KIAA1217: variants seen among roughly 807,000 people sequenced by gnomAD.
The protein encoded by KIAA1217 is KIAA1217.
KIAA1217 carries 88 observed loss-of-function variants against 163.9 expected under a neutral mutation model. The observed-to-expected ratio is 0.54, with a 90% confidence interval of 0.45 to 0.64. KIAA1217 has a LOEUF of 0.64. Among genes scored for constraint, KIAA1217 ranks in the 30% least tolerant of loss-of-function variants. The pLI, the probability that KIAA1217 is intolerant of heterozygous loss-of-function variation, is 0.00. For synonymous variants in KIAA1217, 903 were observed against 923.1 expected, an observed-to-expected ratio of 0.98 and a Z score of 0.39; for missense variants, 2,372 against 2,475.0, an observed-to-expected ratio of 0.96 and a Z score of 0.88.
chr10:24,128,654 C>T (rs2063549343), intron 2 of KIAA1217, among the ~76,000 whole-genome samples: 1 of 152,160 alleles, frequency 6.6e-6, no homozygotes, highest in South Asian at 2.1e-4. Context: ...GGTTCTCTAA[C>T]AAAGCTTTTA....
intron 1 of KIAA1217, among the ~76,000 whole-genome samples, chr10:23,710,511 C>T (rs1437991434): frequency 3.3e-5 from 5 of 152,178 alleles, no homozygotes; most frequent in Non-Finnish European, 7.3e-5. Flanking sequence ...ATAGTGCATA[C>T]TTGTTCATCC....
At chr10:23,842,121 G>A (rs1205868134) in intron 1 of KIAA1217, among the ~76,000 whole-genome samples, 1 of 152,072 alleles carries the variant, frequency 6.6e-6, no homozygotes, top group African/African-American at 2.4e-5. Flanking sequence ...GCCTGCCTTG[G>A]CATCCCAAAG....
intron 2 of KIAA1217, among the ~76,000 whole-genome samples, chr10:24,042,995 G>A (rs1444429440): frequency 6.6e-6 from 1 of 152,174 alleles, no homozygotes; most frequent in Non-Finnish European, 1.5e-5. Flanking sequence ...ATTCCTGCTA[G>A]TGTTGTTACC....
chr10:23,875,373 G>A (rs1840638337), intron 1 of KIAA1217, among the ~76,000 whole-genome samples: 1 of 151,980 alleles, frequency 6.6e-6, no homozygotes. Flanking sequence ...TATAGGTGCA[G>A]AATATAACCC....
chr10:23,740,954 A>T (rs942352925), intron 1 of KIAA1217, among the ~76,000 whole-genome samples: 3 of 152,128 alleles, frequency 2.0e-5, no homozygotes, highest in African/African-American at 7.2e-5. Context: ...AAAAACAGGA[A>T]CAATAAAAAT....
chr10:24,299,544 G>A (rs1242763546), intron 2 of KIAA1217, among the ~76,000 whole-genome samples: 1 of 152,086 alleles, frequency 6.6e-6, no homozygotes, highest in Non-Finnish European at 1.5e-5. Context: ...GACCATAGGT[G>A]TGCACCACCA....
At chr10:23,807,800 C>A (rs909145078) in intron 1 of KIAA1217, among the ~76,000 whole-genome samples, 1 of 152,160 alleles carries the variant, frequency 6.6e-6, no homozygotes, top group African/African-American at 2.4e-5. Flanking sequence ...GGGCAGTGAG[C>A]AGGAACTGGC....
chr10:23,890,642 T>G (rs1056483676), intron 1 of KIAA1217, among the ~76,000 whole-genome samples: 3 of 152,000 alleles, frequency 2.0e-5, no homozygotes, highest in African/African-American at 7.2e-5. Context: ...TTGAAATTTT[T>G]TGAATGCATT....
intron 2 of KIAA1217, among the ~76,000 whole-genome samples, chr10:24,231,863 A>G (rs1477156443): frequency 1.3e-5 from 2 of 150,288 alleles, no homozygotes; most frequent in Non-Finnish European, 2.9e-5. Flanking sequence ...CAGTGGCATG[A>G]TCTCGGCTCA....
chr10:24,376,014 A>G (rs2052437738), intron 2 of KIAA1217, among the ~76,000 whole-genome samples: 1 of 152,230 alleles, frequency 6.6e-6, no homozygotes, highest in African/African-American at 2.4e-5. Flanking sequence ...TCCAAATCCA[A>G]TAGCATTGCA....
At chr10:24,147,006 TAAAAAA>T (rs755857019) in intron 2 of KIAA1217, among the ~76,000 whole-genome samples, 4 of 110,726 alleles carry the variant, frequency 3.6e-5, no homozygotes, top group Non-Finnish European at 7.6e-5. Flanking sequence ...TTTGTTTTGT[TAAAAAA>T]AAAAAAAAAA....
At chr10:23,904,010 A>G (rs1320038407) in intron 1 of KIAA1217, among the ~76,000 whole-genome samples, 4 of 152,136 alleles carry the variant, frequency 2.6e-5, no homozygotes, top group Non-Finnish European at 5.9e-5. Flanking sequence ...ATGTTTCTGG[A>G]TATTCTGAAA....
intron 3 of KIAA1217, among the ~76,000 whole-genome samples, chr10:24,392,544 TAGC>T (rs2055124173): frequency 6.6e-6 from 1 of 152,208 alleles, no homozygotes. Context: ...TTAGTTGTCT[TAGC>T]AGGTTGGGTA....
rs116281236 is a variant in KIAA1217, at chr10:23,771,143, G to T, written c.-321+75909G>T. 6.7e-3 allele frequency among the ~76,000 whole-genome samples: 1,015 copies of T among 152,178 alleles called. 12 individuals are homozygous for T. Among genetic ancestry groups the T allele is most frequent in the African/African-American group, 0.024 (980 of 41,528 alleles). The stretch of plus-strand genomic sequence containing the variant: ...GTGCCACTGTTAGATCGACTTCAGG[G>T]ATGGTTTCCAAAGACATGGCTTTGC... On this transcript the variant is annotated intron_variant, in intron 1 of 18. Coordinates refer to the KIAA1217 transcript ENST00000376462.
At chr10:23,790,502 CATATATACATATGT>C (rs1449645702) in intron 1 of KIAA1217, among the ~76,000 whole-genome samples, 1 of 99,220 alleles carries the variant, frequency 1.0e-5, no homozygotes, top group Non-Finnish European at 1.8e-5. Flanking sequence ...TATACATGTG[CATATATACATATGT>C]ATATATACAT....
At chr10:24,340,923 G>A (rs904436736) in intron 2 of KIAA1217, among the ~76,000 whole-genome samples, 1 of 152,232 alleles carries the variant, frequency 6.6e-6, no homozygotes, top group African/African-American at 2.4e-5. Context: ...TTCTTTGAAT[G>A]TGTGTGAGCA....
At position 23,726,329 on chromosome 10, in the gene KIAA1217, A is replaced by G. The variant is rs1347343944; in HGVS notation, c.-321+31095A>G. ...GTTTTTTTTTTTTTAGACAAATCAT[A>G]TTTTTTATTTGAAACTTCAGATTAC... On this transcript the variant is annotated intron_variant, in intron 1 of 18. Coordinates refer to the KIAA1217 transcript ENST00000376462. 2.0e-5 allele frequency among the ~76,000 whole-genome samples: 3 copies of G among 149,104 alleles called. No individual in the cohort carries two copies. The South Asian group carries it at 6.3e-4, about 31-fold the overall frequency.
intron 2 of KIAA1217, among the ~76,000 whole-genome samples, chr10:24,296,258 C>G (rs1483293921): frequency 6.6e-6 from 1 of 152,184 alleles, no homozygotes; most frequent in African/African-American, 2.4e-5. Context: ...TGCACATCAT[C>G]AAACCCAGTT....
intron 1 of KIAA1217, among the ~76,000 whole-genome samples, chr10:24,006,016 C>T (rs1846980060): frequency 6.6e-6 from 1 of 152,216 alleles, no homozygotes; most frequent in Non-Finnish European, 1.5e-5. Flanking sequence ...CTTCACCTGA[C>T]ATCAAGGCTA....
Sources: gnomAD v4.1 joint callset for allele counts (sites outside exome capture counted in the v4.1 genomes callset) on GRCh38, gnomAD v4.1.1 for gene constraint, MANE v1.5 for transcripts, NCBI Gene and HGNC (gene_info 2026-07-23, HGNC 2026-07-21) for gene names.